GBE1: variants seen among roughly 807,000 people sequenced by gnomAD.
GBE1 encodes 1,4-alpha-glucan-branching enzyme.
In GBE1, 70 loss-of-function variants were observed where a neutral mutation model predicts 88.8. That is an observed-to-expected ratio of 0.79 (90% CI 0.65 to 0.96). The LOEUF is 0.96. Among genes scored for constraint, GBE1 ranks in the 40% least tolerant of loss-of-function variants. The pLI is 0.00. For missense variants in GBE1, 872 were observed against 871.0 expected (o/e 1.00, Z -0.01); for synonymous variants, 284 against 300.1 (o/e 0.95, Z 0.56).
At chr3:81,727,091 C>T (rs13072957) in intron 1 of GBE1, among the ~76,000 whole-genome samples, 45,714 of 151,866 alleles carry the variant, frequency 0.3, 7,044 homozygotes, top group East Asian at 0.43. Flanking sequence ...TCCAGTCAAC[C>T]TAATTTCCAC....
chr3:81,600,702 C>T (rs1458888415), intron 7 of GBE1, among the ~76,000 whole-genome samples: 2 of 152,042 alleles, frequency 1.3e-5, no homozygotes, highest in Non-Finnish European at 1.5e-5. Context: ...TCAAGGAAAA[C>T]ACTACTATAA....
At chr3:81,676,737 T>C (rs1190748030) in intron 2 of GBE1, among the ~76,000 whole-genome samples, 1 of 152,044 alleles carries the variant, frequency 6.6e-6, no homozygotes, top group Non-Finnish European at 1.5e-5. Flanking sequence ...GAAAACCTGA[T>C]ATATTTCTAA....
intron 1 of GBE1, among the ~76,000 whole-genome samples, chr3:81,756,440 T>A (rs924339801): frequency 5.3e-5 from 8 of 152,188 alleles, no homozygotes; most frequent in Admixed American, 3.3e-4. Flanking sequence ...CATTCAAGTA[T>A]TACACTAAGT....
chr3:81,715,979 A>G (rs914694567), intron 1 of GBE1, among the ~76,000 whole-genome samples: 2 of 152,230 alleles, frequency 1.3e-5, no homozygotes, highest in Non-Finnish European at 2.9e-5. Flanking sequence ...TAATTTTAAT[A>G]CAAAAATAAA....
At chr3:81,541,457 C>G (rs1035950504) in intron 12 of GBE1, among the ~76,000 whole-genome samples, 3 of 151,098 alleles carry the variant, frequency 2.0e-5, no homozygotes, top group Non-Finnish European at 3.0e-5. Flanking sequence ...GTTGCCCCCC[C>G]CGCCACCTCG....
intron 7 of GBE1, among the ~76,000 whole-genome samples, chr3:81,602,947 C>T (rs1457550291): frequency 1.3e-5 from 2 of 152,102 alleles, no homozygotes. Context: ...TCTTGGCTGA[C>T]TCATGCCCCA....
intron 12 of GBE1, among the ~76,000 whole-genome samples, chr3:81,570,620 C>A (rs915892479): frequency 6.6e-6 from 1 of 152,108 alleles, no homozygotes; most frequent in Non-Finnish European, 1.5e-5. Flanking sequence ...GTAATTGTAA[C>A]TTAGTACTCA....
rs56142898 is a variant in GBE1 at position 81,553,783 on chromosome 3, C to A, written c.1619-16688G>T. On this transcript the variant is annotated intron_variant, in intron 12 of 15. Coordinates refer to ENST00000429644, the MANE Select transcript of GBE1 (RefSeq NM_000158.4). ...CCATCAGGGAGAGAAATATTTAAATCAGAAGAGAACAGATAAAGCACTTCA... is the reference window on the plus strand; with the variant it reads ...CCATCAGGGAGAGAAATATTTAAATAAGAAGAGAACAGATAAAGCACTTCA... Among the ~76,000 whole-genome samples the A allele has an allele frequency of 8.2e-3, 1,238 of 151,234 alleles. 24 individuals are homozygous for A. Among genetic ancestry groups the A allele is most frequent in the African/African-American group, 0.029 (1,184 of 41,262 alleles).
intron 14 of GBE1, among the ~76,000 whole-genome samples, chr3:81,533,322 AGT>A (rs567419465): frequency 1.5e-3 from 227 of 152,194 alleles, no homozygotes; most frequent in African/African-American, 5.3e-3. Context: ...GTACTTCTTT[AGT>A]GTAGATAACC....
chr3:81,642,317 A>G (rs2107058460), intron 7 of GBE1, among the ~76,000 whole-genome samples: 1 of 152,240 alleles, frequency 6.6e-6, no homozygotes, highest in East Asian at 1.9e-4. Context: ...TACATGAAAC[A>G]TATTATATAC....
At chr3:81,568,133 A>G (rs898914194) in intron 12 of GBE1, among the ~76,000 whole-genome samples, 4 of 152,102 alleles carry the variant, frequency 2.6e-5, no homozygotes, top group Admixed American at 1.3e-4. Context: ...GATCTAGCTT[A>G]CAGCCATCTT....
chr3:81,670,754 C>T (rs1294533805), intron 3 of GBE1, 84 bp downstream of exon 3: 2 of 713,560 alleles, frequency 2.8e-6, no homozygotes, highest in Admixed American at 3.6e-5. Context: ...ATCAGTTGTA[C>T]ATTCTAATAG....
chr3:81,646,640 T>TG, intron 5 of GBE1, 158 bp from the exon 6 acceptor site: 1 of 568,494 alleles, frequency 1.8e-6, no homozygotes, highest in East Asian at 3.1e-5. Flanking sequence ...TTTTTTTGTT[T>TG]GACCTTCTAA....
intron 12 of GBE1, among the ~76,000 whole-genome samples, chr3:81,548,812 G>C (rs140046007): frequency 2.2e-4 from 33 of 150,804 alleles, no homozygotes; most frequent in Admixed American, 9.2e-4. Context: ...TGAGTTAACT[G>C]CATGGACTAA....
rs548993185 is a variant in GBE1, at chr3:81,616,078, G to A, written c.993-22055C>T. Among the ~76,000 whole-genome samples the A allele has an allele frequency of 8.5e-5, 13 of 152,182 alleles. No individual in the cohort carries two copies. The South Asian group carries it at 2.7e-3, about 32-fold the overall frequency. ...ATATTCTGTTTTCTTGCCATTTTAT[G>A]ATTATTTTAATTGTAGCGTTTTGAC... On this transcript the variant is annotated intron_variant, in intron 7 of 15. Transcript: ENST00000429644.
intron 14 of GBE1, among the ~76,000 whole-genome samples, chr3:81,520,255 C>T (rs1007808818): frequency 7.9e-5 from 12 of 151,430 alleles, no homozygotes; most frequent in African/African-American, 2.7e-4. Context: ...GCAACTCTGT[C>T]GGTGCCATTT....
chr3:81,672,711 A>G (rs1372730225), intron 2 of GBE1, among the ~76,000 whole-genome samples: 1 of 151,954 alleles, frequency 6.6e-6, no homozygotes, highest in Non-Finnish European at 1.5e-5. Context: ...TTGTATACAC[A>G]TAGATGTTTA....
At chr3:81,492,854 C>G (rs1359882436) in intron 15 of GBE1, among the ~76,000 whole-genome samples, 8 of 151,962 alleles carry the variant, frequency 5.3e-5, no homozygotes, top group Admixed American at 4.6e-4. Context: ...TCTCCTGTCT[C>G]AGCCTCCTGA....
Position 81,733,799 on chromosome 3 carries a change from G to A in GBE1, c.143+27576C>T, listed in dbSNP as rs1452486710. ...CCTGTCTCCTGCTGCTGGAAAGTAA[G>A]CTCCTCAAATGTATGAGCTTTATAG... On this transcript the variant is annotated intron_variant, in intron 1 of 15. Coordinates refer to ENST00000429644, the MANE Select transcript of GBE1 (RefSeq NM_000158.4). The surrounding 1 kb of genome is among the most constrained non-coding windows in gnomAD (Gnocchi z 4.0). Among the ~76,000 whole-genome samples the A allele has an allele frequency of 6.6e-6, 1 of 152,098 alleles. No individual in the cohort carries two copies. The highest frequency in any genetic ancestry group is 2.4e-5 in the African/African-American group (1 of 41,414).
Sources: allele counts gnomAD v4.1 joint callset (sites outside exome capture counted in the v4.1 genomes callset), GRCh38; gene constraint gnomAD v4.1.1; non-coding constraint Gnocchi (gnomAD v3.1); transcripts MANE v1.5; gene names NCBI Gene and HGNC (gene_info 2026-07-23, HGNC 2026-07-21).